The following TLE1 variants were observed in gnomAD, a reference collection of about 807,000 sequenced individuals.
The protein encoded by TLE1 is transducin-like enhancer protein 1.
TLE1 carries 21 observed loss-of-function variants against 89.8 expected under a neutral mutation model. That is an observed-to-expected ratio of 0.23 (90% CI 0.17 to 0.34). TLE1 has a LOEUF of 0.34. Ranked by LOEUF, TLE1 falls within the 10% of genes least tolerant of loss-of-function variation. The pLI is 1.00. For missense variants in TLE1, 795 were observed against 1,031.2 expected (o/e 0.77, Z 3.14); for synonymous variants, 447 against 407.6 (o/e 1.10, Z -1.16).
intron 14 of TLE1, among the ~76,000 whole-genome samples, chr9:81,608,039 T>G (rs1333198109): frequency 1.3e-5 from 2 of 152,218 alleles, no homozygotes; most frequent in African/African-American, 4.8e-5. Context: ...TTTTATCTCA[T>G]GCTGGTGGTT....
chr9:81,588,117 G>A (rs980277211), intron 16 of TLE1, among the ~76,000 whole-genome samples: 1 of 152,108 alleles, frequency 6.6e-6, no homozygotes, highest in Non-Finnish European at 1.5e-5. Context: ...TGACAAAACC[G>A]TCTGGAAGGT....
At chr9:81,663,186 T>A (rs1435663540) in intron 4 of TLE1, among the ~76,000 whole-genome samples, 1 of 152,106 alleles carries the variant, frequency 6.6e-6, no homozygotes, top group Non-Finnish European at 1.5e-5. Context: ...GGAAGGGAGA[T>A]AAGCGCCGTC....
At chr9:81,597,626 GC>G (rs1396521301) in intron 14 of TLE1, among the ~76,000 whole-genome samples, 1 of 152,102 alleles carries the variant, frequency 6.6e-6, no homozygotes, top group East Asian at 1.9e-4. Context: ...CTGAGACCCA[GC>G]CCCCACCTAG....
intron 4 of TLE1, among the ~76,000 whole-genome samples, chr9:81,660,825 G>C (rs1378439089): frequency 6.6e-6 from 1 of 151,418 alleles, no homozygotes; most frequent in Non-Finnish European, 1.5e-5. Flanking sequence ...GGCCGGGCGT[G>C]GTGGCTCACG....
chr9:81,674,398 C>T (rs568071779), intron 4 of TLE1, among the ~76,000 whole-genome samples: 4 of 152,202 alleles, frequency 2.6e-5, no homozygotes, highest in South Asian at 4.2e-4. Flanking sequence ...GAGGAGCAAC[C>T]GGAAGGCCAC....
At chr9:81,617,753 C>T (rs895476579) in intron 9 of TLE1, among the ~76,000 whole-genome samples, 3 of 151,798 alleles carry the variant, frequency 2.0e-5, no homozygotes, top group African/African-American at 7.3e-5. Context: ...GGGCTGGGCG[C>T]GGTGGCTCAA....
At chr9:81,661,167 T>C (rs1048488314) in intron 4 of TLE1, among the ~76,000 whole-genome samples, 3 of 134,362 alleles carry the variant, frequency 2.2e-5, no homozygotes, top group Admixed American at 1.7e-4. Flanking sequence ...AAAATACATA[T>C]ATATTTATAT....
chr9:81,610,694 T>C (rs1374483221), intron 13 of TLE1, among the ~76,000 whole-genome samples: 2 of 152,156 alleles, frequency 1.3e-5, no homozygotes, highest in Non-Finnish European at 2.9e-5. Context: ...GGATGCTGAA[T>C]ATCATTCCTG....
chr9:81,610,136 T>G (rs1823510324), intron 14 of TLE1, 84 bp downstream of exon 14: 2 of 1,231,692 alleles, frequency 1.6e-6, no homozygotes, highest in East Asian at 4.7e-5. Context: ...CCCAAGCCTG[T>G]ACTCCCTTTG....
intron 8 of TLE1, among the ~76,000 whole-genome samples, chr9:81,629,948 T>C (rs1247521105): frequency 6.6e-6 from 1 of 152,182 alleles, no homozygotes; most frequent in Non-Finnish European, 1.5e-5. Flanking sequence ...GCTCATTTGT[T>C]TTCCTACCAT....
Position 81,613,495 on chromosome 9 carries a change from C to T in TLE1, c.945G>A (p.Leu315=). ...TCCGAGGCGTTGGTGTGCTGGATTT[C>T]AGAACAGGCGTGCTGGCTTTTTCAT... ...SLHEKASTPV[L]KSSTPTPRSD... The change falls in exon 12 of 20, where the codon CTG becomes CTA. Residue 315 remains leucine, a synonymous_variant. Transcript: ENST00000376499. The T allele has an allele frequency of 6.2e-7, 1 of 1,614,206 alleles. No homozygotes were observed. Among genetic ancestry groups the T allele is most frequent in the Non-Finnish European group, 8.5e-7 (1 of 1,180,048 alleles).
intron 4 of TLE1, among the ~76,000 whole-genome samples, chr9:81,680,640 T>C (rs1429011713): frequency 6.6e-6 from 1 of 152,122 alleles, no homozygotes; most frequent in Non-Finnish European, 1.5e-5. Context: ...TCAGTCCTGC[T>C]TGCTGATAAG....
intron 4 of TLE1, among the ~76,000 whole-genome samples, chr9:81,672,641 C>T (rs890555204): frequency 6.6e-6 from 1 of 152,040 alleles, no homozygotes; most frequent in Non-Finnish European, 1.5e-5. Flanking sequence ...GCACACACTC[C>T]CCACAGGTGT....
chr9:81,608,011 A>G (rs1831915881), intron 14 of TLE1, among the ~76,000 whole-genome samples: 1 of 152,248 alleles, frequency 6.6e-6, no homozygotes, highest in African/African-American at 2.4e-5. Flanking sequence ...AAAGCAGGTG[A>G]CAGGGTAAGA....
At chr9:81,599,243 G>A (rs762267468) in intron 14 of TLE1, among the ~76,000 whole-genome samples, 4 of 152,102 alleles carry the variant, frequency 2.6e-5, no homozygotes, top group Non-Finnish European at 4.4e-5. Context: ...TAAGTAACTC[G>A]CCCATAACCA....
chr9:81,618,574 T>G (rs907765316), intron 9 of TLE1, among the ~76,000 whole-genome samples: 1 of 152,196 alleles, frequency 6.6e-6, no homozygotes, highest in Non-Finnish European at 1.5e-5. Context: ...AACAGTCTAC[T>G]GAAATAAATA....
intron 16 of TLE1, among the ~76,000 whole-genome samples, 183 bp from the exon 17 acceptor site, chr9:81,588,011 GCA>G: frequency 6.6e-6 from 1 of 150,856 alleles, no homozygotes; most frequent in East Asian, 1.9e-4. Context: ...AGGGGAAACA[GCA>G]CCTGCGATTG....
chr9:81,622,053 G>A (rs968081534), intron 8 of TLE1, among the ~76,000 whole-genome samples: 8 of 152,138 alleles, frequency 5.3e-5, no homozygotes, highest in African/African-American at 1.4e-4. Context: ...ATACATGTCC[G>A]CTAAAAGCTA....
intron 17 of TLE1, 64 bp from the exon 18 acceptor site, chr9:81,585,719 A>G (rs908602160): frequency 1.3e-6 from 2 of 1,577,248 alleles, no homozygotes; most frequent in Non-Finnish European, 1.7e-6. Context: ...GGAAGACGCA[A>G]TGTGAAAAGT....
Sources: gnomAD v4.1 joint callset for allele counts (sites outside exome capture counted in the v4.1 genomes callset) on GRCh38, gnomAD v4.1.1 for gene constraint, MANE v1.5 for transcripts, NCBI Gene and HGNC (gene_info 2026-07-23, HGNC 2026-07-21) for gene names.